The following CNTNAP2 variants were observed in gnomAD, a reference collection of about 807,000 sequenced individuals.
The protein encoded by CNTNAP2 is contactin associated protein 2.
Under a neutral mutation model 155.2 loss-of-function variants are expected in CNTNAP2, and 98 were observed. The observed-to-expected ratio is 0.63, with a 90% CI of 0.54 to 0.75. The LOEUF (loss-of-function observed/expected upper bound fraction) is 0.75. CNTNAP2 is among the 30% of genes least tolerant of loss of function. The probability of loss-of-function intolerance (pLI) is 0.00; values close to 1 mark genes in which losing one functional copy is unlikely to be tolerated. For missense variants in CNTNAP2, 1,727 were observed against 1,688.1 expected (o/e 1.02, Z -0.40); for synonymous variants, 651 against 631.2 (o/e 1.03, Z -0.47).
At chr7:148,184,427 T>C (rs1795086674) in intron 18 of CNTNAP2, among the ~76,000 whole-genome samples, 1 of 152,254 alleles carries the variant, frequency 6.6e-6, no homozygotes, top group Non-Finnish European at 1.5e-5. Flanking sequence ...CAAATTTGCT[T>C]ACTTTAGACT....
intron 15 of CNTNAP2, among the ~76,000 whole-genome samples, chr7:148,112,093 G>A (rs548640233): frequency 9.9e-4 from 150 of 152,258 alleles, no homozygotes; most frequent in African/African-American, 3.2e-3. Context: ...ATGCCTCCAG[G>A]GGACAAAAAC....
chr7:147,203,982 A>G (rs893493495), intron 8 of CNTNAP2, among the ~76,000 whole-genome samples: 1 of 152,122 alleles, frequency 6.6e-6, no homozygotes, highest in African/African-American at 2.4e-5. Flanking sequence ...AGGACGTAAG[A>G]TAGCTTAGAA....
intron 3 of CNTNAP2, among the ~76,000 whole-genome samples, chr7:146,925,589 C>G (rs1235625919): frequency 1.3e-5 from 2 of 151,922 alleles, no homozygotes; most frequent in Non-Finnish European, 2.9e-5. Context: ...GGAGGAAGAT[C>G]CAGTAGTTAA....
At chr7:148,080,954 C>T (rs142676862) in intron 15 of CNTNAP2, among the ~76,000 whole-genome samples, 353 of 151,928 alleles carry the variant, frequency 2.3e-3, no homozygotes, top group African/African-American at 8.2e-3. Flanking sequence ...GTGTTAGAGA[C>T]GGGGAGGAAA....
At chr7:146,839,974 C>A in intron 3 of CNTNAP2, 70 bp downstream of exon 3, 1 of 1,511,456 alleles carries the variant, frequency 6.6e-7, no homozygotes, top group Non-Finnish European at 9.1e-7. Context: ...ACAGGATTTA[C>A]TAAGCATATA....
At position 147,712,254 on chromosome 7, in the gene CNTNAP2, TG is replaced by T. The variant is rs1341972721; in HGVS notation, c.2098+72950del. Among the ~76,000 whole-genome samples the T allele has an allele frequency of 6.6e-5, 10 of 152,290 alleles. No individual in the cohort carries two copies. In the East Asian group the frequency reaches 1.2e-3, roughly 18 times the overall value. On this transcript the variant is annotated intron_variant, in intron 13 of 23. Transcript: ENST00000361727. Reference sequence around the variant, plus strand: ...TAAAAAGTCAGGAAACAACAGGTGCTGGAGAGGATGTGGAGAAATAGGAACA... The same window carrying T: ...TAAAAAGTCAGGAAACAACAGGTGCTGAGAGGATGTGGAGAAATAGGAACA...
At chr7:147,885,628 G>A (rs1799589715) in intron 13 of CNTNAP2, among the ~76,000 whole-genome samples, 2 of 151,934 alleles carry the variant, frequency 1.3e-5, no homozygotes, top group South Asian at 2.1e-4. Context: ...GATCATTCAT[G>A]TTTGCTTTCT....
chr7:146,426,387 A>G (rs1047306417), intron 1 of CNTNAP2, among the ~76,000 whole-genome samples: 9 of 38,938 alleles, frequency 2.3e-4, no homozygotes, highest in African/African-American at 1.6e-3. Context: ...AACAAAATGT[A>G]TATATATATA....
At chr7:146,130,117 C>T (rs1451888432) in intron 1 of CNTNAP2, among the ~76,000 whole-genome samples, 1 of 152,094 alleles carries the variant, frequency 6.6e-6, no homozygotes, top group Non-Finnish European at 1.5e-5. Context: ...GTAAATTATC[C>T]CGCTTAATTG....
intron 1 of CNTNAP2, among the ~76,000 whole-genome samples, chr7:146,310,395 C>T (rs1174100925): frequency 6.6e-6 from 1 of 152,030 alleles, no homozygotes; most frequent in Non-Finnish European, 1.5e-5. Context: ...TCTGATTCCT[C>T]AGTTGTTTTT....
At chr7:148,278,439 G>A (rs1796916078) in intron 21 of CNTNAP2, among the ~76,000 whole-genome samples, 1 of 151,994 alleles carries the variant, frequency 6.6e-6, no homozygotes, top group Admixed American at 6.6e-5. Flanking sequence ...GCGTGGTGGT[G>A]GTCACCTGTA....
chr7:147,825,216 A>G (rs1338049750), intron 13 of CNTNAP2, among the ~76,000 whole-genome samples: 1 of 152,202 alleles, frequency 6.6e-6, no homozygotes, highest in Non-Finnish European at 1.5e-5. Flanking sequence ...AGAGGCAAAC[A>G]ATATATACTT....
chr7:146,650,930 G>C (rs1346212070), intron 1 of CNTNAP2, among the ~76,000 whole-genome samples: 1 of 152,096 alleles, frequency 6.6e-6, no homozygotes, highest in Non-Finnish European at 1.5e-5. Flanking sequence ...TGAGGTGTGA[G>C]AATTGCTTGA....
intron 13 of CNTNAP2, among the ~76,000 whole-genome samples, chr7:147,685,139 A>G (rs80170045): frequency 0.025 from 3,730 of 152,066 alleles, 120 homozygotes; most frequent in African/African-American, 0.072. Context: ...CAGTGAGGAA[A>G]TTTTCCCCTG....
chr7:146,807,011 G>T (rs887739196), intron 2 of CNTNAP2, among the ~76,000 whole-genome samples: 75 of 152,244 alleles, frequency 4.9e-4, no homozygotes, highest in African/African-American at 1.7e-3. Context: ...ACATAAGACT[G>T]CCCCTTAAAT....
At position 147,132,225 on chromosome 7, in the gene CNTNAP2, C is replaced by A; in HGVS notation, c.1084-20C>A. ...ATTTTATTCTGTGTTTTCCTCAGAG[C>A]CTGTCTTTCTATTTTACAGGGAAAT... On this transcript the variant is annotated intron_variant, in intron 7 of 23. Transcript: ENST00000361727. 1 of 1,613,246 alleles carries A rather than the reference C, an allele frequency of 6.2e-7. No homozygotes were observed. Among genetic ancestry groups the A allele is most frequent in the Non-Finnish European group, 8.5e-7 (1 of 1,179,520 alleles).
chr7:146,913,201 A>G (rs908086960), intron 3 of CNTNAP2, among the ~76,000 whole-genome samples: 7 of 152,158 alleles, frequency 4.6e-5, no homozygotes, highest in African/African-American at 7.2e-5. Flanking sequence ...GGGAATATGT[A>G]GGATTCCCTA....
chr7:147,953,906 TAATC>T (rs1035302530), intron 14 of CNTNAP2, among the ~76,000 whole-genome samples: 26 of 152,316 alleles, frequency 1.7e-4, no homozygotes, highest in African/African-American at 6.0e-4. Flanking sequence ...GGGCCCATCT[TAATC>T]AAGTATGACT....
At chr7:147,525,048 A>G (rs1293944908) in intron 11 of CNTNAP2, among the ~76,000 whole-genome samples, 1 of 152,224 alleles carries the variant, frequency 6.6e-6, no homozygotes, top group African/African-American at 2.4e-5. Context: ...GACAGCAGGG[A>G]AAGTCGGGGG....
Sources: allele counts gnomAD v4.1 joint callset (sites outside exome capture counted in the v4.1 genomes callset), GRCh38; gene constraint gnomAD v4.1.1; transcripts MANE v1.5; gene names NCBI Gene and HGNC (gene_info 2026-07-23, HGNC 2026-07-21).